Variants in NALF1 observed in about 807,000 individuals in gnomAD.
NALF1 encodes family with sequence similarity 155 member A.
Under a neutral mutation model 48.4 loss-of-function variants are expected in NALF1, and 3 were observed. The ratio of observed to expected loss-of-function variants is 0.06; its 90% CI spans 0.03 to 0.16. NALF1 has a LOEUF of 0.16. NALF1 is among the 10% of genes least tolerant of loss of function. The pLI, the probability that NALF1 is intolerant of heterozygous loss-of-function variation, is 1.00. For synonymous variants in NALF1, 262 were observed against 245.7 expected (o/e 1.07, Z -0.62); for missense variants, 526 against 571.5 (o/e 0.92, Z 0.81).
intron 1 of NALF1, among the ~76,000 whole-genome samples, chr13:107,283,312 C>T (rs773528823): frequency 6.6e-6 from 1 of 152,132 alleles, no homozygotes; most frequent in Non-Finnish European, 1.5e-5. Context: ...GTGACATCAG[C>T]AACATGGTGA....
intron 1 of NALF1, among the ~76,000 whole-genome samples, chr13:107,239,097 T>C (rs1402452838): frequency 7.2e-5 from 11 of 151,954 alleles, no homozygotes; most frequent in Non-Finnish European, 1.6e-4. Flanking sequence ...CAGGACAAAG[T>C]GATTGATTGA....
chr13:107,797,430 C>T (rs1878462721), intron 1 of NALF1, among the ~76,000 whole-genome samples: 1 of 152,044 alleles, frequency 6.6e-6, no homozygotes, highest in Admixed American at 6.6e-5. Flanking sequence ...AGGATGGTCT[C>T]GATCTCCTGA....
chr13:107,798,805 T>G (rs1275522339), intron 1 of NALF1, among the ~76,000 whole-genome samples: 3 of 152,230 alleles, frequency 2.0e-5, no homozygotes, highest in Non-Finnish European at 4.4e-5. Context: ...CAGTCTGTAG[T>G]CCATGAAATC....
intron 2 of NALF1, among the ~76,000 whole-genome samples, chr13:107,190,104 A>T (rs1279256372): frequency 6.6e-6 from 1 of 152,208 alleles, no homozygotes; most frequent in East Asian, 1.9e-4. Flanking sequence ...ACTGTTTAGT[A>T]TATTGCCCAC....
chr13:107,298,163 C>T (rs1480281311), intron 1 of NALF1, among the ~76,000 whole-genome samples: 2 of 151,626 alleles, frequency 1.3e-5, no homozygotes, highest in Non-Finnish European at 2.9e-5. Flanking sequence ...TCCTGGCTAA[C>T]ATGGTGAAAC....
Position 107,823,238 on chromosome 13 carries a change from A to G in NALF1, c.915+42444T>C, listed in dbSNP as rs1360283682. Among the ~76,000 whole-genome samples the G allele has an allele frequency of 2.0e-5, 3 of 152,156 alleles. No individual in the cohort carries two copies. In the East Asian group the frequency reaches 5.8e-4, roughly 29 times the overall value. On this transcript the variant is annotated intron_variant, in intron 1 of 2. Coordinates refer to ENST00000375915, the MANE Select transcript of NALF1 (RefSeq NM_001080396.3). ...CTACTTCTCTGCGGAGTTCTTCTTC[A>G]ACAGAGAACTCTAATTCAATTAAAA...
At chr13:107,847,032 A>G (rs1184940871) in intron 1 of NALF1, among the ~76,000 whole-genome samples, 1 of 152,136 alleles carries the variant, frequency 6.6e-6, no homozygotes, top group Non-Finnish European at 1.5e-5. Flanking sequence ...ATGACAGCAA[A>G]TTTCTTAAAT....
intron 1 of NALF1, among the ~76,000 whole-genome samples, chr13:107,669,685 AGTGTTT>A (rs1880946720): frequency 6.6e-6 from 1 of 152,108 alleles, no homozygotes; most frequent in African/African-American, 2.4e-5. Context: ...TTATTTCAAT[AGTGTTT>A]TCTGTTGATG....
chr13:107,365,847 G>T (rs540679995), intron 1 of NALF1, among the ~76,000 whole-genome samples: 1 of 152,066 alleles, frequency 6.6e-6, no homozygotes, highest in Non-Finnish European at 1.5e-5. Context: ...GCCTACTCCC[G>T]TTCACTATGC....
chr13:107,756,195 C>T (rs1293822576), intron 1 of NALF1, among the ~76,000 whole-genome samples: 1 of 152,080 alleles, frequency 6.6e-6, no homozygotes, highest in Non-Finnish European at 1.5e-5. Flanking sequence ...TCTCACATCC[C>T]AAAGATAACG....
At chr13:107,560,286 T>G (rs992645421) in intron 1 of NALF1, among the ~76,000 whole-genome samples, 2 of 152,156 alleles carry the variant, frequency 1.3e-5, no homozygotes, top group Non-Finnish European at 2.9e-5. Context: ...ATGGGTCTTC[T>G]GCAATGTAGA....
chr13:107,233,646 G>A (rs1367129087), intron 1 of NALF1, among the ~76,000 whole-genome samples: 11 of 152,168 alleles, frequency 7.2e-5, no homozygotes. Flanking sequence ...TTTGCTTACA[G>A]AGTTGCAAAG....
intron 1 of NALF1, among the ~76,000 whole-genome samples, chr13:107,711,930 G>C (rs1875604758): frequency 6.6e-6 from 1 of 152,144 alleles, no homozygotes; most frequent in East Asian, 1.9e-4. Context: ...GAAGGCTGCT[G>C]CTGCAATATA....
At chr13:107,353,756 A>G (rs1882915021) in intron 1 of NALF1, among the ~76,000 whole-genome samples, 1 of 152,208 alleles carries the variant, frequency 6.6e-6, no homozygotes, top group African/African-American at 2.4e-5. Context: ...ACAGAGAATT[A>G]ATCCAAGTGT....
chr13:107,576,397 A>G (rs1190454031), intron 1 of NALF1, among the ~76,000 whole-genome samples: 1 of 152,184 alleles, frequency 6.6e-6, no homozygotes, highest in Non-Finnish European at 1.5e-5. Flanking sequence ...TATTCTCTTA[A>G]GAAATCTTTG....
At chr13:107,678,657 G>T (rs553950090) in intron 1 of NALF1, among the ~76,000 whole-genome samples, 43 of 152,204 alleles carry the variant, frequency 2.8e-4, no homozygotes, top group Non-Finnish European at 5.9e-4. Flanking sequence ...GTTCAGTGTG[G>T]CTGGGGAGAA....
At chr13:107,400,717 T>TAAA (rs1376101586) in intron 1 of NALF1, among the ~76,000 whole-genome samples, 2 of 151,726 alleles carry the variant, frequency 1.3e-5, no homozygotes, top group Non-Finnish European at 2.9e-5. Flanking sequence ...ATAAATAAAA[T>TAAA]AAAATAAAAT....
chr13:107,631,900 C>T (rs559813294), intron 1 of NALF1, among the ~76,000 whole-genome samples: 2 of 152,210 alleles, frequency 1.3e-5, no homozygotes, highest in South Asian at 2.1e-4. Context: ...GTGCCACAGC[C>T]TCTCTCTGAC....
chr13:107,296,722 G>A (rs1881733719), intron 1 of NALF1, among the ~76,000 whole-genome samples: 1 of 152,020 alleles, frequency 6.6e-6, no homozygotes, highest in African/African-American at 2.4e-5. Flanking sequence ...TAGTTGCAAT[G>A]TACAAAGGCG....
Sources: gnomAD v4.1 joint callset for allele counts (sites outside exome capture counted in the v4.1 genomes callset) on GRCh38, gnomAD v4.1.1 for gene constraint, MANE v1.5 for transcripts, NCBI Gene and HGNC (gene_info 2026-07-23, HGNC 2026-07-21) for gene names.